Variants in OTOG observed in about 807,000 individuals in gnomAD.
OTOG encodes the protein otogelin.
OTOG carries 296 observed loss-of-function variants against 313.8 expected under a neutral mutation model. The observed-to-expected ratio is 0.94, with a 90% CI of 0.86 to 1.04. The LOEUF (loss-of-function observed/expected upper bound fraction) is 1.04. OTOG is among the 50% of genes least tolerant of loss of function. The pLI, the probability that OTOG is intolerant of heterozygous loss-of-function variation, is 0.00. For synonymous variants in OTOG, 1,533 were observed against 1,554.9 expected, an observed-to-expected ratio of 0.99 and a Z score of 0.33; for missense variants, 3,948 against 3,840.1, an observed-to-expected ratio of 1.03 and a Z score of -0.74.
rs569539295 is a variant in OTOG, at chr11:17,631,377, T to C, written c.6713-325T>C. 9.5e-5 allele frequency among the ~76,000 whole-genome samples: 13 copies of C among 137,042 alleles called. No homozygotes were observed. In the East Asian group the frequency reaches 2.5e-3, roughly 27 times the overall value. The allele number at this position is 137,042 out of a possible 152,430, so 89.9% of individuals were successfully genotyped here. A position where few individuals can be genotyped will look rare whatever the true frequency, so the allele number is the denominator to read the frequency against. On this transcript the variant is annotated intron_variant, in intron 40 of 55. Transcript: ENST00000399397. ...CTCCTTCTCTCTCTCTCTCTCTCTC[T>C]CTGTGTGTGTGTGGGGGGGGGTATA...
intron 39 of OTOG, among the ~76,000 whole-genome samples, chr11:17,619,971 A>G (rs1324575450): frequency 6.6e-6 from 1 of 152,138 alleles, no homozygotes; most frequent in Non-Finnish European, 1.5e-5. Flanking sequence ...TTGTCAGAAA[A>G]AGTCTTGGTC....
intron 39 of OTOG, among the ~76,000 whole-genome samples, chr11:17,626,256 A>G (rs1013949442): frequency 6.6e-6 from 1 of 152,036 alleles, no homozygotes; most frequent in Non-Finnish European, 1.5e-5. Context: ...GCTCACTGCT[A>G]CCTCTGTCTC....
At chr11:17,599,760 C>T in intron 31 of OTOG, 63 bp downstream of exon 31, 2 of 1,518,384 alleles carry the variant, frequency 1.3e-6, no homozygotes, top group Non-Finnish European at 1.8e-6. Flanking sequence ...TGTCCTGACG[C>T]CACACAGCAT....
At chr11:17,572,033 G>C in intron 17 of OTOG, 47 bp from the exon 18 acceptor site, 3 of 1,548,906 alleles carry the variant, frequency 1.9e-6, no homozygotes, top group South Asian at 2.4e-5. Context: ...TGTGCCCCCT[G>C]AGTCCACAGG....
rs1847920332 is a variant in OTOG at position 17,639,422 on chromosome 11, G to C, written c.7895-1G>C. On this transcript the variant is annotated splice_acceptor_variant, in intron 48 of 55. Coordinates refer to ENST00000399397, the MANE Select transcript of OTOG (RefSeq NM_001292063.2). LOFTEE classifies it high-confidence loss of function. ...GGGGCCTGGCCCCTTGTGTTTTTCA[G>C]AATGTGACTGTGACACAATCCCGGT... The C allele has an allele frequency of 1.3e-6, 2 of 1,550,722 alleles. No homozygotes were observed. Among genetic ancestry groups the C allele is most frequent in the Middle Eastern group, 1.7e-4 (1 of 5,994 alleles).
intron 15 of OTOG, among the ~76,000 whole-genome samples, chr11:17,567,472 G>T (rs1213745939): frequency 6.6e-6 from 1 of 152,064 alleles, no homozygotes; most frequent in Non-Finnish European, 1.5e-5. Context: ...TGCCTAAGCT[G>T]GCCTTTACCT....
chr11:17,581,045 G>A (rs1219438269), intron 23 of OTOG, among the ~76,000 whole-genome samples: 1 of 152,194 alleles, frequency 6.6e-6, no homozygotes, highest in Non-Finnish European at 1.5e-5. Flanking sequence ...GTAGAAACTG[G>A]CCTTGCAGAG....
chr11:17,626,067 C>T (rs1276402718), intron 39 of OTOG, among the ~76,000 whole-genome samples: 3 of 152,138 alleles, frequency 2.0e-5, no homozygotes, highest in Non-Finnish European at 2.9e-5. Context: ...TGTCTTTTCC[C>T]CAATGTATGT....
chr11:17,636,842 C>T (rs867471617), intron 47 of OTOG, among the ~76,000 whole-genome samples: 1 of 151,968 alleles, frequency 6.6e-6, no homozygotes, highest in Non-Finnish European at 1.5e-5. Flanking sequence ...CAGCCCAGGG[C>T]AAGTTCCTTA....
At position 17,585,759 on chromosome 11, in the gene OTOG, C is replaced by T. The variant is rs142138053; in HGVS notation, c.2760-715C>T. Reference sequence around the variant, plus strand: ...CAGGCAGAAAATCTGGATACAGGAGCAACTAACAAGGGACTCCTTTGAGTA... The same window carrying T: ...CAGGCAGAAAATCTGGATACAGGAGTAACTAACAAGGGACTCCTTTGAGTA... On this transcript the variant is annotated intron_variant, in intron 23 of 55. Coordinates refer to ENST00000399397, the MANE Select transcript of OTOG (RefSeq NM_001292063.2). 6.5e-3 allele frequency among the ~76,000 whole-genome samples: 987 copies of T among 152,290 alleles called. 9 individuals are homozygous for T. The highest frequency in any genetic ancestry group is 0.023 in the African/African-American group (955 of 41,544).
At chr11:17,571,092 G>A (rs571288885) in intron 17 of OTOG, among the ~76,000 whole-genome samples, 1 of 152,324 alleles carries the variant, frequency 6.6e-6, no homozygotes, top group South Asian at 2.1e-4. Context: ...GAAGGAAACA[G>A]GGAAGGCATT....
Position 17,643,415 on chromosome 11 carries a change from C to T in OTOG, c.8416-46C>T, listed in dbSNP as rs573045771. 8.8e-5 allele frequency: 117 copies of T among 1,334,150 alleles called. 5 individuals carry two copies. In the South Asian group the frequency reaches 1.5e-3, roughly 17 times the overall value. 82.6% of individuals were successfully genotyped at this position (1,334,150 alleles called of 1,614,324 possible). ...CTGGGATCTTGGCTCCCGGCCTGGA[C>T]AGGGGTCTCCACACCTACCTACCTC... On this transcript the variant is annotated intron_variant, in intron 53 of 55. Transcript: ENST00000399397.
chr11:17,636,552 C>T (rs1409462488), intron 47 of OTOG, among the ~76,000 whole-genome samples: 1 of 152,180 alleles, frequency 6.6e-6, no homozygotes, highest in Non-Finnish European at 1.5e-5. Context: ...ACAATGTAGG[C>T]TCCCATCCCA....
rs769908947 is a variant in OTOG, at chr11:17,635,147, G to A, written c.7653G>A (p.Thr2551=). 33 of 1,548,062 alleles carry A rather than the reference G, an allele frequency of 2.1e-5. 1 individual carries two copies. Among genetic ancestry groups the A allele is most frequent in the South Asian group, 1.7e-4 (14 of 83,996 alleles). Residue 2551 remains threonine, a synonymous_variant, in exon 46 of 56, where the codon ACG becomes ACA. Coordinates refer to ENST00000399397, the MANE Select transcript of OTOG (RefSeq NM_001292063.2). ...PSCRQDQILI[T]GRLGDSCCTS... ...GCCGACAGGACCAGATCCTGATCAC[G>A]GGCCGCCTGGGGGACTCCTGCTGCA...
At position 17,613,374 on chromosome 11, in the gene OTOG, C is replaced by T. The variant is rs7123459; in HGVS notation, c.6439-238C>T. On this transcript the variant is annotated intron_variant, in intron 38 of 55. Coordinates refer to ENST00000399397, the MANE Select transcript of OTOG (RefSeq NM_001292063.2). Reference sequence around the variant, plus strand: ...CTTCCTTCCTTCCTTCCTTCCTTCCCTCCTTCCTTCCTTCCTTCCTTCCTT... The same window carrying T: ...CTTCCTTCCTTCCTTCCTTCCTTCCTTCCTTCCTTCCTTCCTTCCTTCCTT... 0.13 allele frequency among the ~76,000 whole-genome samples: 9,612 copies of T among 73,722 alleles called. 800 individuals are homozygous for T. Among genetic ancestry groups the T allele is most frequent in the African/African-American group, 0.35 (6,471 of 18,592 alleles). 48.4% of individuals were successfully genotyped at this position (73,722 alleles called of 152,430 possible). A position where few individuals can be genotyped will look rare whatever the true frequency, so the allele number is the denominator to read the frequency against.
Position 17,641,141 on chromosome 11 carries a change from G to T in OTOG, c.8190+50G>T, listed in dbSNP as rs1239586000. ...GGGTGGGGTTGGGAGGGCTTGCCTG[G>T]CAGACCTTGGGTGCTCCAGGAGCCA... On this transcript the variant is annotated intron_variant, in intron 51 of 55. Coordinates refer to ENST00000399397, the MANE Select transcript of OTOG (RefSeq NM_001292063.2). 3 of 1,495,222 alleles carry T rather than the reference G, an allele frequency of 2.0e-6. No homozygotes were observed. The African/African-American group carries it at 4.1e-5, about 21-fold the overall frequency. 92.6% of individuals were successfully genotyped at this position (1,495,222 alleles called of 1,614,324 possible).
In OTOG at chr11:17,642,191, T is replaced by C. The variant is rs1565131983; in HGVS notation, c.8360T>C (p.Val2787Ala). 6.5e-7 allele frequency: 1 copy of C among 1,550,304 alleles called. No individual in the cohort carries two copies. The highest frequency in any genetic ancestry group is 8.7e-7 in the Non-Finnish European group (1 of 1,146,896). ...TGCAGCAGCACGCCCCTGGGTGCCG[T>C]GCTGGTCCGCTCTCCCATAAGCTGC... Reference protein sequence around the residue: ...HHCSSTPLGAVLVRSPISCPP... With the variant: ...HHCSSTPLGAALVRSPISCPP... The change falls in exon 53 of 56, where the codon GTG (valine) becomes GCG (alanine). Residue 2787 changes from valine (V) to alanine (A), a missense_variant. Val to Ala is a moderately conservative substitution (Grantham distance 64). Transcript: ENST00000399397.
intron 6 of OTOG, among the ~76,000 whole-genome samples, chr11:17,554,500 T>C (rs1204741504): frequency 6.6e-6 from 1 of 152,246 alleles, no homozygotes; most frequent in Non-Finnish European, 1.5e-5. Context: ...CCCCTCCACC[T>C]GGAGGAAAGT....
In OTOG at chr11:17,629,315, C is replaced by A; in HGVS notation, c.6711C>A (p.Cys2237Ter). 1 of 1,547,658 alleles carries A rather than the reference C, an allele frequency of 6.5e-7. No homozygotes were observed. ...GCAAGGCCCAGGGCCATGGCCTGTG[C>A]GGTGAGGTGGAACCCAGCTTGCGGG... ...KTSKAQGHGLCGICDGDAAND... is the reference protein window; with the variant it reads ...KTSKAQGHGL Residue 2237 changes from cysteine to a stop codon, truncating the protein, a stop_gained and splice_region_variant, in exon 40 of 56, where the codon TGC becomes TGA. Transcript: ENST00000399397. LOFTEE classifies it high-confidence loss of function.
Sources: allele counts gnomAD v4.1 joint callset (sites outside exome capture counted in the v4.1 genomes callset), GRCh38; gene constraint gnomAD v4.1.1; transcripts MANE v1.5; gene names NCBI Gene and HGNC (gene_info 2026-07-23, HGNC 2026-07-21).